TBXAS1: variants seen among roughly 807,000 people sequenced by gnomAD.
TBXAS1 encodes the protein thromboxane-A synthase.
In TBXAS1, 48 loss-of-function variants were observed where a neutral mutation model predicts 60.7. That is an observed-to-expected ratio of 0.79 (90% CI 0.63 to 1.01). The LOEUF (loss-of-function observed/expected upper bound fraction) is 1.01. TBXAS1 is among the 50% of genes least tolerant of loss of function. TBXAS1 has a pLI of 0.00. For missense variants in TBXAS1, 685 were observed against 686.3 expected, an observed-to-expected ratio of 1.00 and a Z score of 0.02; for synonymous variants, 287 against 269.7, an observed-to-expected ratio of 1.06 and a Z score of -0.63.
intron 3 of TBXAS1, among the ~76,000 whole-genome samples, chr7:139,892,866 C>A (rs1455416387): frequency 6.6e-6 from 1 of 152,098 alleles, no homozygotes; most frequent in East Asian, 1.9e-4. Flanking sequence ...GGTCCTCTCA[C>A]CCTCATGTCT....
rs1011856359 is a variant in TBXAS1 at position 139,950,614 on chromosome 7, C to T, written c.451-2754C>T. The stretch of plus-strand genomic sequence containing the variant: ...GTCCCTGCCTTGGTTACCACCTCCA[C>T]GTGGCAGCCTTCATGGAGCCATTGC... On this transcript the variant is annotated intron_variant, in intron 5 of 12. Coordinates refer to ENST00000448866, the MANE Select transcript of TBXAS1 (RefSeq NM_001061.7). Among the ~76,000 whole-genome samples, 8 of 152,074 alleles carry T rather than the reference C, an allele frequency of 5.3e-5. No individual in the cohort carries two copies. In the South Asian group the frequency reaches 1.4e-3, roughly 28 times the overall value.
At chr7:139,845,814 T>G (rs1189521557) in intron 1 of TBXAS1, among the ~76,000 whole-genome samples, 1 of 146,348 alleles carries the variant, frequency 6.8e-6, no homozygotes, top group African/African-American at 2.5e-5. Context: ...ATCATTAAAT[T>G]GAACTCTAGT....
At position 140,004,869 on chromosome 7, in the gene TBXAS1, C is replaced by T. The variant is rs1813945158; in HGVS notation, c.1135-2222C>T. Among the ~76,000 whole-genome samples, 1 of 152,226 alleles carries T rather than the reference C, an allele frequency of 6.6e-6. No homozygotes were observed. Among genetic ancestry groups the T allele is most frequent in the Non-Finnish European group, 1.5e-5 (1 of 68,038 alleles). On this transcript the variant is annotated intron_variant, in intron 9 of 12. Coordinates refer to ENST00000448866, the MANE Select transcript of TBXAS1 (RefSeq NM_001061.7). The surrounding 1 kb of genome is among the most constrained non-coding windows in gnomAD (Gnocchi z 5.1). ...CATCGAGAAACAGCCTCCGGCCGGC[C>T]CCGCCACATACACTGTGTGCTGCCA...
At chr7:140,003,424 T>C (rs987344127) in intron 9 of TBXAS1, among the ~76,000 whole-genome samples, 1 of 152,222 alleles carries the variant, frequency 6.6e-6, no homozygotes, top group African/African-American at 2.4e-5. Context: ...AGGCTGGTCT[T>C]GAACTCCTCA....
At chr7:139,895,849 T>A (rs62490077) in intron 3 of TBXAS1, among the ~76,000 whole-genome samples, 1 of 152,178 alleles carries the variant, frequency 6.6e-6, no homozygotes, top group Non-Finnish European at 1.5e-5. Flanking sequence ...CCATGGCTGA[T>A]GGAGCCAACA....
intron 4 of TBXAS1, among the ~76,000 whole-genome samples, chr7:139,934,197 G>A (rs552606975): frequency 6.7e-6 from 1 of 148,922 alleles, no homozygotes; most frequent in South Asian, 2.1e-4. Context: ...TTTTTCTTTT[G>A]TTTTTTTTGA....
chr7:139,796,080 A>G (rs533944969), intron 4 of TBXAS1, among the ~76,000 whole-genome samples: 2 of 152,300 alleles, frequency 1.3e-5, no homozygotes, highest in East Asian at 3.9e-4. Flanking sequence ...TTTCTAGATC[A>G]CATTTGTTTA....
At chr7:139,901,381 A>G (rs1487994752) in intron 3 of TBXAS1, among the ~76,000 whole-genome samples, 1 of 152,020 alleles carries the variant, frequency 6.6e-6, no homozygotes, top group Non-Finnish European at 1.5e-5. Context: ...TGGAAGGACA[A>G]CTTTCATTTG....
At chr7:140,010,420 C>A (rs1814518937) in intron 10 of TBXAS1, among the ~76,000 whole-genome samples, 1 of 152,180 alleles carries the variant, frequency 6.6e-6, no homozygotes, top group African/African-American at 2.4e-5. Flanking sequence ...GAGGTGACTC[C>A]CGGATGCTGT....
At chr7:139,962,736 G>A (rs553132566) in intron 9 of TBXAS1, 12 of 184,812 alleles carry the variant, frequency 6.5e-5, no homozygotes, top group African/African-American at 2.1e-4. Context: ...GCCCGTCAGC[G>A]CCCAGGCCAG....
At chr7:139,830,538 A>ATTTT (rs8192800) in intron 1 of TBXAS1, among the ~76,000 whole-genome samples, 1,932 of 150,518 alleles carry the variant, frequency 0.013, 25 homozygotes, top group Middle Eastern at 0.031. Context: ...AACTGGTTTA[A>ATTTT]TTTTTTTTTT....
At chr7:139,838,852 G>A (rs1397646477) in intron 1 of TBXAS1, among the ~76,000 whole-genome samples, 4 of 152,056 alleles carry the variant, frequency 2.6e-5, no homozygotes, top group Non-Finnish European at 2.9e-5. Flanking sequence ...TGGAGCTGGG[G>A]ATAGAGACTG....
At chr7:139,890,912 T>A (rs1015262211) in intron 3 of TBXAS1, among the ~76,000 whole-genome samples, 1 of 152,080 alleles carries the variant, frequency 6.6e-6, no homozygotes, top group African/African-American at 2.4e-5. Flanking sequence ...TTTTTTCACA[T>A]GTTCTTGCAA....
At chr7:139,952,663 T>G in intron 5 of TBXAS1, 2 of 1,536,596 alleles carry the variant, frequency 1.3e-6, no homozygotes, top group South Asian at 2.4e-5. Flanking sequence ...TATGTGAATC[T>G]CCATTATGCC....
At chr7:139,867,826 TAATA>T (rs55731121) in intron 1 of TBXAS1, among the ~76,000 whole-genome samples, 5,317 of 146,918 alleles carry the variant, frequency 0.036, 272 homozygotes, top group African/African-American at 0.12. Flanking sequence ...CGAAAATAAA[TAATA>T]AATAAATAAA....
At chr7:139,868,878 C>G (rs970750335) in intron 1 of TBXAS1, among the ~76,000 whole-genome samples, 1 of 151,866 alleles carries the variant, frequency 6.6e-6, no homozygotes. Flanking sequence ...ATCTCAAACT[C>G]CTGACCTCAA....
intron 9 of TBXAS1, among the ~76,000 whole-genome samples, chr7:139,979,437 C>A (rs1367192538): frequency 2.0e-5 from 3 of 151,898 alleles, no homozygotes; most frequent in Admixed American, 2.0e-4. Flanking sequence ...AAATAAATAG[C>A]AAAAGACTTC....
At chr7:139,993,176 C>T (rs986747433) in intron 9 of TBXAS1, among the ~76,000 whole-genome samples, 2 of 152,092 alleles carry the variant, frequency 1.3e-5, no homozygotes, top group African/African-American at 2.4e-5. Context: ...GAGACTCGGT[C>T]TCAATAAATA....
Position 139,976,719 on chromosome 7 carries a change from G to C in TBXAS1, c.1134+14486G>C, listed in dbSNP as rs563295776. Among the ~76,000 whole-genome samples, 510 of 152,250 alleles carry C rather than the reference G, an allele frequency of 3.3e-3. 2 individuals carry two copies. The highest frequency in any genetic ancestry group is 0.012 in the African/African-American group (493 of 41,540). ...ATTCGATTTAGTGGGTCTGGAGTGA[G>C]GCCTGGGCTTCTTAGAAGCCCCAGC... On this transcript the variant is annotated intron_variant, in intron 9 of 12. Coordinates refer to ENST00000448866, the MANE Select transcript of TBXAS1 (RefSeq NM_001061.7).
Sources: allele counts gnomAD v4.1 joint callset (sites outside exome capture counted in the v4.1 genomes callset), GRCh38; gene constraint gnomAD v4.1.1; non-coding constraint Gnocchi (gnomAD v3.1); transcripts MANE v1.5; gene names NCBI Gene and HGNC (gene_info 2026-07-23, HGNC 2026-07-21).